PLEKHA5: variants seen among roughly 807,000 people sequenced by gnomAD.
PLEKHA5 encodes the protein pleckstrin homology domain-containing family A member 5.
In PLEKHA5, 55 loss-of-function variants were observed where a neutral mutation model predicts 181.9. That is an observed-to-expected ratio of 0.30 (90% CI 0.24 to 0.38). The LOEUF (loss-of-function observed/expected upper bound fraction) is 0.38, where lower values mean the gene tolerates loss of function less well. Ranked by LOEUF, PLEKHA5 falls within the 10% of genes least tolerant of loss-of-function variation. PLEKHA5 has a pLI of 1.00. For missense variants in PLEKHA5, 1,432 were observed against 1,549.5 expected (o/e 0.92, Z 1.27); for synonymous variants, 535 against 529.4 (o/e 1.01, Z -0.15).
At chr12:19,212,678 T>C (rs139203207) in intron 3 of PLEKHA5, among the ~76,000 whole-genome samples, 2,435 of 152,248 alleles carry the variant, frequency 0.016, 37 homozygotes, top group Non-Finnish European at 0.024. Flanking sequence ...CCATGCTCAT[T>C]AGTTTAGCTT....
rs140056191 is a variant in PLEKHA5, at chr12:19,352,520, A to C, written c.3020-1364A>C. Among the ~76,000 whole-genome samples, 519 of 150,882 alleles carry C rather than the reference A, an allele frequency of 3.4e-3. 2 individuals are homozygous for C. Among genetic ancestry groups the C allele is most frequent in the Non-Finnish European group, 5.6e-3 (382 of 67,630 alleles). ...AGCCAAGCAGAAATTAAGAACATTT[A>C]GGTTGAACTAACTTGTTAACGATGA... On this transcript the variant is annotated intron_variant, in intron 25 of 31. Coordinates refer to ENST00000429027, the MANE Select transcript of PLEKHA5 (RefSeq NM_001256470.2).
chr12:19,359,841 C>T (rs1467140831), intron 28 of PLEKHA5, among the ~76,000 whole-genome samples: 1 of 151,794 alleles, frequency 6.6e-6, no homozygotes, highest in East Asian at 1.9e-4. Context: ...TGGCAGGCTC[C>T]TGTAGTCCCA....
intron 3 of PLEKHA5, among the ~76,000 whole-genome samples, chr12:19,203,529 T>C (rs2054670912): frequency 6.6e-6 from 1 of 152,040 alleles, no homozygotes; most frequent in South Asian, 2.1e-4. Flanking sequence ...CTCCTCTTTC[T>C]CTCTCCTGTC....
At chr12:19,349,698 G>A (rs2094499698) in intron 25 of PLEKHA5, among the ~76,000 whole-genome samples, 1 of 150,032 alleles carries the variant, frequency 6.7e-6, no homozygotes, top group Admixed American at 6.7e-5. Flanking sequence ...CCTGAGGTCA[G>A]GAGATCAACA....
chr12:19,264,166 C>A (rs920178549), intron 7 of PLEKHA5, among the ~76,000 whole-genome samples: 5 of 151,892 alleles, frequency 3.3e-5, no homozygotes, highest in Non-Finnish European at 7.4e-5. Flanking sequence ...CTCATTTAAC[C>A]CTCATAACAA....
chr12:19,314,534 G>C (rs7300805), intron 15 of PLEKHA5, among the ~76,000 whole-genome samples: 6,209 of 152,042 alleles, frequency 0.041, 141 homozygotes, highest in South Asian at 0.057. Context: ...ATTATATGTA[G>C]AAATATTCAT....
At chr12:19,155,924 A>G (rs114019766) in intron 3 of PLEKHA5, among the ~76,000 whole-genome samples, 96 of 152,328 alleles carry the variant, frequency 6.3e-4, no homozygotes, top group African/African-American at 2.3e-3. Context: ...ACATTCCTGT[A>G]AAGTATACGT....
chr12:19,184,161 G>A (rs1226525181), intron 3 of PLEKHA5, among the ~76,000 whole-genome samples: 5 of 151,962 alleles, frequency 3.3e-5, no homozygotes, highest in African/African-American at 4.8e-5. Context: ...AAAAATCCTC[G>A]GGGAATGGCT....
chr12:19,146,236 A>G (rs891347023), intron 3 of PLEKHA5, among the ~76,000 whole-genome samples: 3 of 152,236 alleles, frequency 2.0e-5, no homozygotes, highest in African/African-American at 7.2e-5. Flanking sequence ...TGGCTAGGCC[A>G]ATGGGCAAAA....
At chr12:19,284,758 C>CT (rs199936903) in intron 12 of PLEKHA5, among the ~76,000 whole-genome samples, 12 of 151,254 alleles carry the variant, frequency 7.9e-5, no homozygotes, top group East Asian at 5.8e-4. Context: ...TCCTAAAGTG[C>CT]TTTTTTTTTC....
intron 20 of PLEKHA5, among the ~76,000 whole-genome samples, chr12:19,323,016 ATTTTTT>A (rs538132540): frequency 0.051 from 4,743 of 92,738 alleles, 134 homozygotes; most frequent in South Asian, 0.077. Flanking sequence ...ACCTGGCTAG[ATTTTTT>A]TTTTTTTTTT....
chr12:19,368,091 CTTTA>C (rs1485512440), intron 30 of PLEKHA5, among the ~76,000 whole-genome samples: 1 of 151,902 alleles, frequency 6.6e-6, no homozygotes, highest in African/African-American at 2.4e-5. Flanking sequence ...ATAAAATAAA[CTTTA>C]TTTAATTTAC....
chr12:19,372,106 T>G (rs937841000), intron 31 of PLEKHA5: 1 of 152,272 alleles, frequency 6.6e-6, no homozygotes, highest in African/African-American at 2.4e-5. Context: ...GTTCAAGTGA[T>G]TCTCCTGCCT....
intron 3 of PLEKHA5, among the ~76,000 whole-genome samples, chr12:19,203,601 A>G (rs1047853407): frequency 2.6e-5 from 4 of 151,998 alleles, no homozygotes; most frequent in Admixed American, 2.0e-4. Flanking sequence ...CACAAAGACT[A>G]CTAATTGCCT....
intron 3 of PLEKHA5, among the ~76,000 whole-genome samples, chr12:19,165,272 C>T (rs943965599): frequency 6.6e-6 from 1 of 152,112 alleles, no homozygotes. Context: ...CTATAAATGG[C>T]TTTGTAAGAA....
At chr12:19,248,887 A>T (rs1271967787) in intron 3 of PLEKHA5, among the ~76,000 whole-genome samples, 1 of 152,346 alleles carries the variant, frequency 6.6e-6, no homozygotes, top group East Asian at 1.9e-4. Context: ...TAATGATGAC[A>T]TATACTGAAT....
intron 16 of PLEKHA5, among the ~76,000 whole-genome samples, chr12:19,315,267 A>G (rs537724170): frequency 2.6e-5 from 4 of 152,132 alleles, no homozygotes; most frequent in Non-Finnish European, 4.4e-5. Flanking sequence ...AAAAATATTT[A>G]CTTTCAGGGG....
At chr12:19,181,429 G>A (rs888391695) in intron 3 of PLEKHA5, among the ~76,000 whole-genome samples, 4 of 152,124 alleles carry the variant, frequency 2.6e-5, no homozygotes, top group African/African-American at 9.7e-5. Context: ...ATAGTAAAAG[G>A]TGATGCTGAA....
intron 29 of PLEKHA5, among the ~76,000 whole-genome samples, chr12:19,362,791 TAA>T (rs1052175724): frequency 6.9e-6 from 1 of 145,206 alleles, no homozygotes. Flanking sequence ...ATAAATACCT[TAA>T]AAAAAAAAAG....
Sources: allele counts gnomAD v4.1 joint callset (sites outside exome capture counted in the v4.1 genomes callset), GRCh38; gene constraint gnomAD v4.1.1; transcripts MANE v1.5; gene names NCBI Gene and HGNC (gene_info 2026-07-23, HGNC 2026-07-21).